The following RHOC variants were observed in gnomAD, a reference collection of about 807,000 sequenced individuals.
RHOC encodes ras homolog family member C.
RHOC carries 13 observed loss-of-function variants against 19.5 expected under a neutral mutation model. The ratio of observed to expected loss-of-function variants is 0.67; its 90% CI spans 0.43 to 1.06. RHOC has a LOEUF of 1.06. Ranked by LOEUF, RHOC falls within the 50% of genes least tolerant of loss-of-function variation. The pLI is 0.00. For missense variants in RHOC, 173 were observed against 256.9 expected, an observed-to-expected ratio of 0.67 and a Z score of 2.23; for synonymous variants, 106 against 97.3, an observed-to-expected ratio of 1.09 and a Z score of -0.52.
intron 4 of RHOC, 150 bp from the exon 5 acceptor site, chr1:112,702,843 C>A: frequency 7.4e-7 from 1 of 1,348,538 alleles, no homozygotes; most frequent in East Asian, 2.3e-5. Flanking sequence ...AGTATGCCCT[C>A]AGAGGGCCAG....
intron 1 of RHOC, chr1:112,706,335 C>G (rs1409488510): frequency 6.6e-6 from 1 of 151,870 alleles, no homozygotes. Flanking sequence ...GACTCGGCCT[C>G]GGGATCCCAG....
At position 112,702,682 on chromosome 1, in the gene RHOC, C is replaced by T; in HGVS notation, c.289G>A (p.Glu97Lys). ...DSPDSLENIP[E>K]KWTPEVKHFC... ...TGCTTCACCTCTGGGGTCCACTTCT[C>T]AGGAATGTTTTCTGTGTAGACATGC... The change falls in exon 5 of 6, where the codon GAG (glutamate) becomes AAG (lysine). Residue 97 changes from glutamate (E) to lysine (K), a missense_variant. Physicochemically the swap from Glu to Lys is moderately conservative, Grantham distance 56. This residue lies in a region of RHOC where 92 missense variants were observed against 171.1 expected (regional missense o/e 0.54). Coordinates refer to ENST00000339083, the MANE Select transcript of RHOC (RefSeq NM_175744.5). 6.2e-7 allele frequency: 1 copy of T among 1,614,156 alleles called. No homozygotes were observed. The highest frequency in any genetic ancestry group is 8.5e-7 in the Non-Finnish European group (1 of 1,180,006).
At chr1:112,703,214 T>A in intron 3 of RHOC, 95 bp from the exon 4 acceptor site, 2 of 1,424,884 alleles carry the variant, frequency 1.4e-6, no homozygotes, top group South Asian at 2.5e-5. Flanking sequence ...TCACTGAACT[T>A]CTTTATTTGA....
At chr1:112,704,838 G>C in intron 2 of RHOC, 1 of 521,104 alleles carries the variant, frequency 1.9e-6, no homozygotes. Context: ...CACACTGTAG[G>C]GAGCCACACA....
At chr1:112,702,853 G>A in intron 4 of RHOC, 146 bp downstream of exon 4, 1 of 1,345,832 alleles carries the variant, frequency 7.4e-7, no homozygotes, top group East Asian at 2.3e-5. Flanking sequence ...CAGAGGGCCA[G>A]TTACCACAGT....
In RHOC at chr1:112,706,486, A is replaced by ACCACACACACACACACACACCCCCACAC. The variant is rs1557780753; in HGVS notation, c.-77+591_-77+592insGTGTGGGGGTGTGTGTGTGTGTGTGTGG. Among the ~76,000 whole-genome samples the ACCACACACACACACACACACCCCCACAC allele has an allele frequency of 6.2e-3, 110 of 17,656 alleles. 9 individuals are homozygous for ACCACACACACACACACACACCCCCACAC. The highest frequency in any genetic ancestry group is 0.031 in the Middle Eastern group (1 of 32). 11.6% of individuals were successfully genotyped at this position (17,656 alleles called of 152,430 possible). A position where few individuals can be genotyped will look rare whatever the true frequency, so the allele number is the denominator to read the frequency against. On this transcript the variant is annotated intron_variant, in intron 1 of 5. Coordinates refer to ENST00000339083, the MANE Select transcript of RHOC (RefSeq NM_175744.5). The stretch of plus-strand genomic sequence containing the variant: ...ACACCACACACACACACACACACAC[A>ACCACACACACACACACACACCCCCACAC]CACACACACACACACACACACACAC...
At chr1:112,706,229 TG>T in intron 1 of RHOC, 1 of 153,316 alleles carries the variant, frequency 6.5e-6, no homozygotes, top group Non-Finnish European at 1.5e-5. Flanking sequence ...AGCGGCCGGT[TG>T]ACTTTGCCGG....
At chr1:112,702,923 A>G (rs2101461212) in intron 4 of RHOC, 76 bp downstream of exon 4, 1 of 1,478,620 alleles carries the variant, frequency 6.8e-7, no homozygotes, top group Non-Finnish European at 9.4e-7. Flanking sequence ...TCTGAAGATG[A>G]CTGAAGACAG....
intron 1 of RHOC, among the ~76,000 whole-genome samples, chr1:112,706,425 CTCTCTA>C (rs1256052130): frequency 6.1e-5 from 4 of 65,240 alleles, no homozygotes; most frequent in Non-Finnish European, 1.3e-4. Flanking sequence ...CTCTCTCTCT[CTCTCTA>C]CACACACACA....
chr1:112,706,464 CCACACA>C (rs57078670), intron 1 of RHOC, among the ~76,000 whole-genome samples: 33 of 23,032 alleles, frequency 1.4e-3, no homozygotes, highest in African/African-American at 6.6e-3. Flanking sequence ...CACACACACA[CCACACA>C]CACACACACA....
chr1:112,705,654 GT>G, intron 1 of RHOC: 1 of 456,806 alleles, frequency 2.2e-6, no homozygotes. Context: ...CAAAAAGAGG[GT>G]TCCTTGGGAA....
intron 2 of RHOC, chr1:112,704,827 C>T (rs1674784785): frequency 4.3e-6 from 2 of 467,858 alleles, no homozygotes; most frequent in Admixed American, 6.6e-5. Flanking sequence ...GGGACAATGA[C>T]CACACTGTAG....
intron 5 of RHOC, 60 bp from the exon 6 acceptor site, chr1:112,701,773 C>T (rs1674645319): frequency 6.4e-7 from 1 of 1,563,608 alleles, no homozygotes; most frequent in Admixed American, 1.7e-5. Context: ...CCTCTCCTGC[C>T]TCACCCATAA....
intron 2 of RHOC, 37 bp from the exon 3 acceptor site, chr1:112,703,843 C>G (rs778278882): frequency 6.3e-7 from 1 of 1,579,372 alleles, no homozygotes; most frequent in Non-Finnish European, 8.6e-7. Flanking sequence ...TGAGGAAAAG[C>G]CATTAAGTCC....
At chr1:112,705,768 C>T (rs549384862) in intron 1 of RHOC, 103 of 426,116 alleles carry the variant, frequency 2.4e-4, no homozygotes, top group Non-Finnish European at 1.0e-4. Flanking sequence ...TAGCCCCAAC[C>T]TGGGGTGGGC....
chr1:112,702,941 C>T, intron 4 of RHOC, 58 bp downstream of exon 4: 3 of 1,600,646 alleles, frequency 1.9e-6, no homozygotes, highest in Non-Finnish European at 2.6e-6. Flanking sequence ...CAGGCCAAGG[C>T]ACGAGACCTC....
In RHOC at chr1:112,703,630, A is replaced by G. The variant is rs759833043; in HGVS notation, c.156+14T>C. The G allele has an allele frequency of 1.8e-5, 29 of 1,608,466 alleles. No homozygotes were observed. Among genetic ancestry groups the G allele is most frequent in the Non-Finnish European group, 1.9e-5 (22 of 1,177,056 alleles). ...GGTCTCAGGGTGGGGTGGGAAGGGC[A>G]TTTCTGCCTTCACCTGCTTGCCGTC... is the stretch of plus-strand genomic sequence containing the variant. On this transcript the variant is annotated intron_variant, in intron 3 of 5. Transcript: ENST00000339083.
chr1:112,707,268 G>C (rs1674930134), upstream of RHOC: 1 of 151,656 alleles, frequency 6.6e-6, no homozygotes, highest in Non-Finnish European at 1.5e-5. Flanking sequence ...CCCCTCCGCA[G>C]GCCGGGGACT....
At position 112,702,632 on chromosome 1, in the gene RHOC, G is replaced by C; in HGVS notation, c.339C>G (p.Ile113Met). ...TCAGGTCCTTCTTATTCCCCACCAG[G>C]ATGATGGGCACGTTGGGGCAGAAGT... ...VKHFCPNVPI[I>M]LVGNKKDLRQ... The change falls in exon 5 of 6, where the codon ATC becomes ATG. Residue 113 changes from isoleucine to methionine, a missense_variant. By Grantham distance (10) the Ile-to-Met change is conservative (BLOSUM62 1). Coordinates refer to ENST00000339083, the MANE Select transcript of RHOC (RefSeq NM_175744.5). 4 of 1,614,026 alleles carry C rather than the reference G, an allele frequency of 2.5e-6. No homozygotes were observed. The highest frequency in any genetic ancestry group is 3.4e-6 in the Non-Finnish European group (4 of 1,179,926).
Sources: gnomAD v4.1 joint callset for allele counts (sites outside exome capture counted in the v4.1 genomes callset) on GRCh38, gnomAD v4.1.1 for gene constraint, gnomAD v4.1.1 regional missense constraint, MANE v1.5 for transcripts, NCBI Gene and HGNC (gene_info 2026-07-23, HGNC 2026-07-21) for gene names.